The following TMTC2 variants were observed in gnomAD, a reference collection of about 807,000 sequenced individuals.
TMTC2 encodes protein O-mannosyl-transferase TMTC2.
In TMTC2, 43 loss-of-function variants were observed where a neutral mutation model predicts 82.4. That is an observed-to-expected ratio of 0.52 (90% CI 0.41 to 0.67). The LOEUF is 0.67. Ranked by LOEUF, TMTC2 falls within the 30% of genes least tolerant of loss-of-function variation. TMTC2 has a pLI of 0.00. For missense variants in TMTC2, 919 were observed against 1,012.4 expected (o/e 0.91, Z 1.25); for synonymous variants, 408 against 381.9 (o/e 1.07, Z -0.80).
chr12:82,703,490 GTTTC>G (rs1400420421), intron 1 of TMTC2, among the ~76,000 whole-genome samples: 22 of 147,034 alleles, frequency 1.5e-4, no homozygotes, highest in African/African-American at 3.0e-4. Context: ...AAGATAGATA[GTTTC>G]TTTCTTTTTT....
intron 3 of TMTC2, among the ~76,000 whole-genome samples, chr12:82,928,878 CTT>C (rs1209433341): frequency 1.3e-5 from 2 of 152,088 alleles, no homozygotes; most frequent in African/African-American, 4.8e-5. Flanking sequence ...AGGTATATGA[CTT>C]TGCAAACGTG....
At chr12:82,925,536 T>C (rs373712588) in intron 3 of TMTC2, among the ~76,000 whole-genome samples, 1 of 152,226 alleles carries the variant, frequency 6.6e-6, no homozygotes. Flanking sequence ...ACAAATTGAA[T>C]GTGGCAACTG....
intron 11 of TMTC2, among the ~76,000 whole-genome samples, chr12:83,123,881 C>T (rs1036894421): frequency 6.6e-6 from 1 of 152,228 alleles, no homozygotes; most frequent in Non-Finnish European, 1.5e-5. Context: ...TTCTTATACC[C>T]GTAAGGAAAT....
chr12:82,742,686 A>AT (rs201296323), intron 1 of TMTC2, among the ~76,000 whole-genome samples: 12,482 of 150,870 alleles, frequency 0.083, 513 homozygotes, highest in South Asian at 0.11. Context: ...TGCCAGGCTA[A>AT]TTTTTTTTTG....
chr12:82,739,146 T>A (rs1222175750), intron 1 of TMTC2, among the ~76,000 whole-genome samples: 1 of 48,488 alleles, frequency 2.1e-5, no homozygotes, highest in Non-Finnish European at 4.8e-5. Flanking sequence ...AGACTCTGTC[T>A]TAAAAAAAAA....
intron 11 of TMTC2, among the ~76,000 whole-genome samples, chr12:83,120,892 G>A (rs1008884684): frequency 6.6e-6 from 1 of 152,082 alleles, no homozygotes; most frequent in African/African-American, 2.4e-5. Flanking sequence ...AGGTTAATTT[G>A]AAGACCTTGT....
chr12:82,822,524 G>C lies in TMTC2; in HGVS notation c.84-34486G>C, dbSNP rs565939503. On this transcript the variant is annotated intron_variant, in intron 1 of 11. Transcript: ENST00000321196. ...TAGTCTATATTTCTCCCCTTTTTTGGGGGGTGAGAGGGTTTACAAAGATTG... is the reference window on the plus strand; with the variant it reads ...TAGTCTATATTTCTCCCCTTTTTTGCGGGGTGAGAGGGTTTACAAAGATTG... Among the ~76,000 whole-genome samples, 6 of 152,044 alleles carry C rather than the reference G, an allele frequency of 3.9e-5. No individual in the cohort carries two copies. In the South Asian group the frequency reaches 1.3e-3, roughly 32 times the overall value.
At position 83,134,767 on chromosome 12, in the gene TMTC2, T is replaced by C. The variant is rs558653337; in HGVS notation, c.*2378T>C. On this transcript the variant is annotated 3_prime_UTR_variant, in exon 12 of 12. Transcript: ENST00000321196. Reference sequence around the variant, plus strand: ...ATTTTTTGAGAAACTGTTATTTGTATAAATTATCAAGATTTGTAGGCTTTC... The same window carrying C: ...ATTTTTTGAGAAACTGTTATTTGTACAAATTATCAAGATTTGTAGGCTTTC... The C allele has an allele frequency of 5.3e-4, 81 of 152,354 alleles. No individual in the cohort carries two copies. The highest frequency in any genetic ancestry group is 9.3e-4 in the Non-Finnish European group (63 of 68,032). The allele number at this position is 152,354 out of a possible 1,614,324, so 9.4% of individuals were successfully genotyped here.
intron 11 of TMTC2, among the ~76,000 whole-genome samples, chr12:83,116,254 C>A (rs947714880): frequency 6.6e-6 from 1 of 152,094 alleles, no homozygotes; most frequent in Non-Finnish European, 1.5e-5. Context: ...GCCATTAATT[C>A]TTTCCTTTTT....
chr12:82,838,314 C>A (rs1260747355), intron 1 of TMTC2, among the ~76,000 whole-genome samples: 1 of 152,170 alleles, frequency 6.6e-6, no homozygotes, highest in African/African-American at 2.4e-5. Flanking sequence ...ACTAATGCAC[C>A]ATAATCAATG....
At chr12:82,691,230 T>C (rs560789726) in intron 1 of TMTC2, among the ~76,000 whole-genome samples, 1 of 152,348 alleles carries the variant, frequency 6.6e-6, no homozygotes, top group South Asian at 2.1e-4. Flanking sequence ...GCGACTCCTC[T>C]GAAAATTTAT....
intron 1 of TMTC2, among the ~76,000 whole-genome samples, chr12:82,776,626 A>G (rs1434248421): frequency 1.3e-5 from 2 of 151,688 alleles, no homozygotes; most frequent in East Asian, 3.9e-4. Flanking sequence ...AAAAAAAAAA[A>G]AAAAAAAAAG....
intron 8 of TMTC2, among the ~76,000 whole-genome samples, chr12:83,000,147 T>C (rs1194001792): frequency 6.6e-6 from 1 of 152,128 alleles, no homozygotes. Context: ...GTCAATTTTT[T>C]TTTTTGAGGC....
chr12:82,775,200 C>T (rs74411684), intron 1 of TMTC2, among the ~76,000 whole-genome samples: 5,081 of 152,082 alleles, frequency 0.033, 276 homozygotes, highest in African/African-American at 0.12. Flanking sequence ...CCTGTAATCC[C>T]TGCACTTGGA....
chr12:82,790,551 G>A (rs1319325911), intron 1 of TMTC2, among the ~76,000 whole-genome samples: 3 of 152,036 alleles, frequency 2.0e-5, no homozygotes, highest in South Asian at 2.1e-4. Flanking sequence ...TCTTGTGGCC[G>A]GGCGCGGTGG....
At chr12:82,716,735 C>T (rs1565719569) in intron 1 of TMTC2, among the ~76,000 whole-genome samples, 1 of 152,098 alleles carries the variant, frequency 6.6e-6, no homozygotes, top group Non-Finnish European at 1.5e-5. Context: ...GATTTATCAC[C>T]GAATCTAAGT....
At chr12:82,847,752 A>T (rs895492809) in intron 1 of TMTC2, among the ~76,000 whole-genome samples, 1 of 151,868 alleles carries the variant, frequency 6.6e-6, no homozygotes. Context: ...CAATGAGATC[A>T]CTTGGACACA....
At position 82,691,420 on chromosome 12, in the gene TMTC2, G is replaced by A. The variant is rs927023263; in HGVS notation, c.83+3751G>A. ...GCTCTTAATAATTCACTCCTAGTTA[G>A]CTTTTCATTTGGGTATAAATGGAAA... On this transcript the variant is annotated intron_variant, in intron 1 of 11. Coordinates refer to ENST00000321196, the MANE Select transcript of TMTC2 (RefSeq NM_152588.3). Among the ~76,000 whole-genome samples, 21 of 152,058 alleles carry A rather than the reference G, an allele frequency of 1.4e-4. 1 individual carries two copies. The highest frequency in any genetic ancestry group is 1.2e-3 in the Admixed American group (18 of 15,272).
chr12:82,770,051 C>T (rs1442112183), intron 1 of TMTC2, among the ~76,000 whole-genome samples: 1 of 152,058 alleles, frequency 6.6e-6, no homozygotes, highest in Non-Finnish European at 1.5e-5. Context: ...AATTCTACTA[C>T]GAGAGTTTAA....
Sources: gnomAD v4.1 joint callset for allele counts (sites outside exome capture counted in the v4.1 genomes callset) on GRCh38, gnomAD v4.1.1 for gene constraint, MANE v1.5 for transcripts, NCBI Gene and HGNC (gene_info 2026-07-23, HGNC 2026-07-21) for gene names.